Variants in TBC1D30 observed in about 807,000 individuals in gnomAD.
TBC1D30 encodes the protein TBC1 domain family member 30.
Under a neutral mutation model 63.2 loss-of-function variants are expected in TBC1D30, and 31 were observed. The ratio of observed to expected loss-of-function variants is 0.49; its 90% CI spans 0.37 to 0.66. TBC1D30 has a LOEUF of 0.66. TBC1D30 is among the 30% of genes least tolerant of loss of function. TBC1D30 has a pLI of 0.00. For synonymous variants in TBC1D30, 307 were observed against 361.5 expected (o/e 0.85, Z 1.71); for missense variants, 810 against 953.6 (o/e 0.85, Z 1.98).
intron 7 of TBC1D30, among the ~76,000 whole-genome samples, chr12:64,842,600 T>G (rs1236062529): frequency 6.6e-6 from 1 of 152,196 alleles, no homozygotes; most frequent in Non-Finnish European, 1.5e-5. Context: ...AAACACCCCA[T>G]GGACTGATGA....
At chr12:64,775,419 T>C (rs764538418) in intron 1 of TBC1D30, among the ~76,000 whole-genome samples, 3 of 151,836 alleles carry the variant, frequency 2.0e-5, no homozygotes, top group Non-Finnish European at 2.9e-5. Context: ...AGGCTCAAAA[T>C]AAAGGGATGG....
At chr12:64,770,279 GT>G (rs112019723) in intron 1 of TBC1D30, among the ~76,000 whole-genome samples, 6,276 of 144,470 alleles carry the variant, frequency 0.043, 404 homozygotes, top group African/African-American at 0.14. Context: ...AGTATGCTTT[GT>G]TTTTTTTTTT....
At chr12:64,833,451 C>A (rs993901714) in intron 5 of TBC1D30, among the ~76,000 whole-genome samples, 3 of 152,058 alleles carry the variant, frequency 2.0e-5, no homozygotes, top group African/African-American at 7.2e-5. Flanking sequence ...CATATTTGAA[C>A]CTTTAAACTG....
upstream of TBC1D30, among the ~76,000 whole-genome samples, chr12:64,822,105 G>A (rs1873921601): frequency 6.6e-6 from 1 of 152,194 alleles, no homozygotes; most frequent in Non-Finnish European, 1.5e-5. Flanking sequence ...TCATAGGAAT[G>A]CCTTCTTTTT....
chr12:64,829,469 C>T (rs538192799), intron 3 of TBC1D30, among the ~76,000 whole-genome samples: 1 of 152,170 alleles, frequency 6.6e-6, no homozygotes, highest in East Asian at 1.9e-4. Flanking sequence ...TTACTGTTTA[C>T]TCAGATGGGA....
In TBC1D30 at chr12:64,834,747, C is replaced by A. The variant is rs1478698463; in HGVS notation, c.595-1743C>A. ...TTTTTTTTTTGATCTAAGATTTGAC[C>A]TTGGAAATACAGTGGTGGGTGGTTT... On this transcript the variant is annotated intron_variant, in intron 5 of 11. Coordinates refer to ENST00000539867, the MANE Select transcript of TBC1D30 (RefSeq NM_015279.2). Among the ~76,000 whole-genome samples the A allele has an allele frequency of 2.2e-5, 3 of 139,452 alleles. No individual in the cohort carries two copies. The East Asian group carries it at 6.3e-4, about 29-fold the overall frequency. 91.5% of individuals were successfully genotyped at this position (139,452 alleles called of 152,430 possible).
At chr12:64,855,648 C>T (rs1035736712) in intron 8 of TBC1D30, among the ~76,000 whole-genome samples, 1 of 152,148 alleles carries the variant, frequency 6.6e-6, no homozygotes, top group African/African-American at 2.4e-5. Context: ...TTGCATTTTT[C>T]AAGTCCATAA....
chr12:64,812,573 T>C (rs933901001), intron 2 of TBC1D30, among the ~76,000 whole-genome samples: 8 of 152,176 alleles, frequency 5.3e-5, no homozygotes, highest in Non-Finnish European at 1.0e-4. Context: ...TTGCAAATAA[T>C]GAAAATGTAT....
At chr12:64,813,623 CAT>C (rs1049862954) in intron 2 of TBC1D30, among the ~76,000 whole-genome samples, 9 of 152,164 alleles carry the variant, frequency 5.9e-5, no homozygotes, top group East Asian at 1.9e-4. Flanking sequence ...GTAGAGCAAA[CAT>C]GTGACATTTG....
At position 64,879,135 on chromosome 12, in the gene TBC1D30, C is replaced by T. The variant is rs1879293109; in HGVS notation, c.*3347C>T. 1 of 152,552 alleles carries T rather than the reference C, an allele frequency of 6.6e-6. No homozygotes were observed. Among genetic ancestry groups the T allele is most frequent in the African/African-American group, 2.4e-5 (1 of 41,422 alleles). 9.4% of individuals were successfully genotyped at this position (152,552 alleles called of 1,614,324 possible). A position where few individuals can be genotyped will look rare whatever the true frequency, so the allele number is the denominator to read the frequency against. Reference sequence around the variant, plus strand: ...GGAAAACAAAAAGAGCATAAAGAATCATCAATACTCTGATATAGATATAGA... The same window carrying T: ...GGAAAACAAAAAGAGCATAAAGAATTATCAATACTCTGATATAGATATAGA... On this transcript the variant is annotated 3_prime_UTR_variant, in exon 12 of 12. Coordinates refer to ENST00000539867, the MANE Select transcript of TBC1D30 (RefSeq NM_015279.2).
chr12:64,794,161 A>AT (rs1270214636), intron 2 of TBC1D30, among the ~76,000 whole-genome samples: 2 of 150,692 alleles, frequency 1.3e-5, no homozygotes, highest in African/African-American at 4.9e-5. Context: ...TGGACTGTTT[A>AT]TTTTTTTTCC....
At chr12:64,788,867 T>G (rs1280863894) in intron 2 of TBC1D30, among the ~76,000 whole-genome samples, 1 of 152,170 alleles carries the variant, frequency 6.6e-6, no homozygotes, top group Non-Finnish European at 1.5e-5. Context: ...GATACTGTAT[T>G]TTGATATAGA....
chr12:64,856,747 A>G (rs1365447884), intron 8 of TBC1D30, among the ~76,000 whole-genome samples: 6 of 151,994 alleles, frequency 3.9e-5, no homozygotes, highest in Non-Finnish European at 7.4e-5. Flanking sequence ...GGAGTTAAAA[A>G]CCTTAGAAAT....
intron 1 of TBC1D30, among the ~76,000 whole-genome samples, chr12:64,769,366 C>T (rs959705113): frequency 4.0e-5 from 6 of 150,942 alleles, no homozygotes; most frequent in African/African-American, 1.2e-4. Context: ...CCACCACGCT[C>T]GGCTAATTTT....
intron 2 of TBC1D30, among the ~76,000 whole-genome samples, chr12:64,789,004 C>A (rs979914317): frequency 7.2e-5 from 11 of 152,040 alleles, no homozygotes. Context: ...TCAACTAATT[C>A]TAAAGAATTG....
At chr12:64,777,465 C>G (rs1871115557), upstream of TBC1D30, among the ~76,000 whole-genome samples, 3 of 152,160 alleles carry the variant, frequency 2.0e-5, no homozygotes, top group Admixed American at 2.0e-4. Flanking sequence ...ACACCAACAA[C>G]AGTCATGCCA....
intron 2 of TBC1D30, among the ~76,000 whole-genome samples, chr12:64,802,975 A>G: frequency 6.6e-6 from 1 of 152,214 alleles, no homozygotes; most frequent in Non-Finnish European, 1.5e-5. Flanking sequence ...ATGTGTCTTT[A>G]TAGCAGCATG....
intron 4 of TBC1D30, 46 bp downstream of exon 4, chr12:64,830,548 C>T (rs1874761727): frequency 1.4e-6 from 2 of 1,467,166 alleles, no homozygotes; most frequent in Non-Finnish European, 1.8e-6. Context: ...AGAAGAAAGA[C>T]TCTAAAAGCC....
upstream of TBC1D30, among the ~76,000 whole-genome samples, chr12:64,780,467 CT>C (rs1871206867): frequency 1.3e-5 from 2 of 152,242 alleles, 1 homozygote; most frequent in Admixed American, 1.3e-4. Flanking sequence ...CCTCAGCGCC[CT>C]CCCCCTCCGT....
Sources: gnomAD v4.1 joint callset for allele counts (sites outside exome capture counted in the v4.1 genomes callset) on GRCh38, gnomAD v4.1.1 for gene constraint, MANE v1.5 for transcripts, NCBI Gene and HGNC (gene_info 2026-07-23, HGNC 2026-07-21) for gene names.